Variants in ENSA observed in about 807,000 individuals in gnomAD.
ENSA encodes the protein alpha-endosulfine.
ENSA carries 7 observed loss-of-function variants against 16.8 expected under a neutral mutation model. That is an observed-to-expected ratio of 0.42 (90% CI 0.24 to 0.78). The LOEUF is 0.78. Ranked by LOEUF, ENSA falls within the 30% of genes least tolerant of loss-of-function variation. The pLI, the probability that ENSA is intolerant of heterozygous loss-of-function variation, is 0.29. For missense variants in ENSA, 87 were observed against 142.3 expected (o/e 0.61, Z 1.98); for synonymous variants, 58 against 53.4 (o/e 1.09, Z -0.37).
intron 2 of ENSA, 153 bp downstream of exon 2, chr1:150,627,314 T>C (rs1649404099): frequency 6.3e-7 from 1 of 1,596,138 alleles, no homozygotes; most frequent in Non-Finnish European, 8.5e-7. Flanking sequence ...GGATTTACAT[T>C]AATTTGACTT....
chr1:150,621,948 AC>A (rs1282022818), downstream of ENSA: 1 of 152,140 alleles, frequency 6.6e-6, no homozygotes, highest in Non-Finnish European at 1.5e-5. Flanking sequence ...AGGTTGATGC[AC>A]CTTCTACATT....
chr1:150,627,540 A>G lies in ENSA; in HGVS notation c.110T>C (p.Leu37Pro). The change falls in exon 2 of 4, where the codon CTA becomes CCA. Residue 37 changes from leucine to proline, a missense_variant. Physicochemically the swap from Leu to Pro is moderately conservative, Grantham distance 98. Coordinates refer to ENST00000369014, the MANE Select transcript of ENSA (RefSeq NM_004436.4). Reference sequence around the variant, plus strand: ...TCCTAGGCTTGGGTATTTGGCCTTTAGCTTTGCCTCTTCAGCTCTCTCAGG... The same window carrying G: ...TCCTAGGCTTGGGTATTTGGCCTTTGGCTTTGCCTCTTCAGCTCTCTCAGG... ...ILPERAEEAK[L>P]KAKYPSLGQK... 1 of 1,614,068 alleles carries G rather than the reference A, an allele frequency of 6.2e-7. No individual in the cohort carries two copies. Among genetic ancestry groups the G allele is most frequent in the South Asian group, 1.1e-5 (1 of 91,076 alleles).
chr1:150,625,354 C>T (rs1649226010), intron 3 of ENSA: 1 of 1,102,044 alleles, frequency 9.1e-7, no homozygotes, highest in Admixed American at 5.1e-5. Context: ...CACATCTCTC[C>T]AGTTTCTCAC....
At chr1:150,625,239 C>T in intron 3 of ENSA, 1 of 990,900 alleles carries the variant, frequency 1.0e-6, no homozygotes, top group Non-Finnish European at 1.2e-6. Context: ...ATTCAATCTA[C>T]CTTTCCCAAC....
rs914838780 is a variant in ENSA at position 150,625,687 on chromosome 1, T to A, written c.305A>T (p.Asp102Val). 5.0e-6 allele frequency: 8 copies of A among 1,612,494 alleles called. No homozygotes were observed. Among genetic ancestry groups the A allele is most frequent in the Non-Finnish European group, 5.9e-6 (7 of 1,179,374 alleles). The change falls in exon 3 of 4, where the codon GAT (aspartate) becomes GTT (valine). Residue 102 changes from aspartate (D) to valine (V), a missense_variant. By Grantham distance (152) the Asp-to-Val change is radical. Transcript: ENST00000369014. Reference protein sequence around the residue: ...VTGDHIPTPQDLPQRKSSLVT... With the variant: ...VTGDHIPTPQVLPQRKSSLVT... ...GAGCGAGGACTTTCTCTGGGGCAGA[T>A]CCTGTGGGGTGGGGATGTGATCACC...
intron 2 of ENSA, chr1:150,626,388 C>T (rs1389292410): frequency 1.5e-6 from 2 of 1,325,026 alleles, no homozygotes; most frequent in African/African-American, 2.9e-5. Context: ...GCCTGCCTTG[C>T]CTCCAGCAAG....
At position 150,622,356 on chromosome 1, in the gene ENSA, G is replaced by A. The variant is rs992020483; in HGVS notation, c.*488C>T. On this transcript the variant is annotated 3_prime_UTR_variant, in exon 4 of 4. Transcript: ENST00000369014. ...CTGTTTGCATCTGTCTGTGCGGATG[G>A]AGTTTCTTTTATCTGACACCAGGTC... 1 of 156,332 alleles carries A rather than the reference G, an allele frequency of 6.4e-6. No individual in the cohort carries two copies. The highest frequency in any genetic ancestry group is 1.9e-4 in the East Asian group (1 of 5,374). 9.7% of individuals were successfully genotyped at this position (156,332 alleles called of 1,614,324 possible). A position where few individuals can be genotyped will look rare whatever the true frequency, so the allele number is the denominator to read the frequency against.
At chr1:150,623,923 G>A (rs1426649667) in intron 3 of ENSA, 1 of 985,266 alleles carries the variant, frequency 1.0e-6, no homozygotes, top group East Asian at 1.1e-4. Context: ...TCAGGAGAAA[G>A]GCATATACAC....
At chr1:150,624,982 A>G in intron 3 of ENSA, 28 of 985,462 alleles carry the variant, frequency 2.8e-5, no homozygotes, top group Non-Finnish European at 3.3e-5. Flanking sequence ...TACTTTCAAA[A>G]GCAACATGCT....
rs184222578 is a variant in ENSA at position 150,628,728 on chromosome 1, C to G, written c.57+686G>C. 9.1e-3 allele frequency among the ~76,000 whole-genome samples: 1,378 copies of G among 152,254 alleles called. 24 individuals are homozygous for G. Among genetic ancestry groups the G allele is most frequent in the African/African-American group, 0.03 (1,266 of 41,548 alleles). On this transcript the variant is annotated intron_variant, in intron 1 of 3. Coordinates refer to ENST00000369014, the MANE Select transcript of ENSA (RefSeq NM_004436.4). ...CGTTAGTGTTTCCATCACGGAATCGCAGGTGCACTAAGTCCCTGCCTTGGA... is the reference window on the plus strand; with the variant it reads ...CGTTAGTGTTTCCATCACGGAATCGGAGGTGCACTAAGTCCCTGCCTTGGA...
chr1:150,624,465 C>G (rs1466749121), intron 3 of ENSA: 1 of 985,812 alleles, frequency 1.0e-6, no homozygotes, highest in Non-Finnish European at 1.2e-6. Context: ...CATGTTTCCT[C>G]AGGCCTGCAG....
Position 150,627,615 on chromosome 1 carries a change from ATAAAAT to A in ENSA, c.58-29_58-24del, listed in dbSNP as rs776664904. ...GTCCTGGAGAAAACAAATGAGCCAA[ATAAAAT>A]TAAAGACTGAGAAACAACAGCTTCT... On this transcript the variant is annotated intron_variant, in intron 1 of 3. Coordinates refer to ENST00000369014, the MANE Select transcript of ENSA (RefSeq NM_004436.4). 7.5e-6 allele frequency: 12 copies of A among 1,590,796 alleles called. No homozygotes were observed. In the South Asian group the frequency reaches 1.1e-4, roughly 15 times the overall value.
intron 2 of ENSA, chr1:150,626,546 G>C (rs982586089): frequency 1.9e-6 from 3 of 1,609,470 alleles, no homozygotes; most frequent in Non-Finnish European, 2.5e-6. Flanking sequence ...TTGCAGAGGA[G>C]AGTAAGGAAA....
Position 150,627,452 on chromosome 1 carries a change from G to A in ENSA, c.183+15C>T, listed in dbSNP as rs929956795. On this transcript the variant is annotated intron_variant, in intron 2 of 3. Coordinates refer to ENST00000369014, the MANE Select transcript of ENSA (RefSeq NM_004436.4). ...TTAGCTCCAAAGAAAGAGGGTAAGA[G>A]ACTATGCCCCATACCCCTTTCTGGA... The A allele has an allele frequency of 6.2e-7, 1 of 1,614,260 alleles. No homozygotes were observed. The highest frequency in any genetic ancestry group is 1.1e-5 in the South Asian group (1 of 91,088).
rs587772367 is a variant in ENSA, at chr1:150,623,367, T to C, written c.351-508A>G. On this transcript the variant is annotated intron_variant, in intron 3 of 3. Coordinates refer to ENST00000369014, the MANE Select transcript of ENSA (RefSeq NM_004436.4). ...TGACCACTCCTTGCTAAGGAAGCTATGTACTTCATGCTGTGGAAACTGGCA... is the reference window on the plus strand; with the variant it reads ...TGACCACTCCTTGCTAAGGAAGCTACGTACTTCATGCTGTGGAAACTGGCA... The C allele has an allele frequency of 5.1e-6, 5 of 986,162 alleles. No individual in the cohort carries two copies. The African/African-American group carries it at 5.2e-5, about 10-fold the overall frequency. 61.1% of individuals were successfully genotyped at this position (986,162 alleles called of 1,614,324 possible). A position where few individuals can be genotyped will look rare whatever the true frequency, so the allele number is the denominator to read the frequency against.
chr1:150,629,048 C>A, intron 1 of ENSA: 1 of 1,614,090 alleles, frequency 6.2e-7, no homozygotes, highest in Non-Finnish European at 8.5e-7. Flanking sequence ...AGCCCGGTTG[C>A]TGGGTCACTT....
chr1:150,629,122 G>A (rs1217793869), intron 1 of ENSA: 1 of 1,613,970 alleles, frequency 6.2e-7, no homozygotes, highest in Non-Finnish European at 8.5e-7. Flanking sequence ...TCCATTCACC[G>A]TCTTTCCAAC....
At chr1:150,623,092 C>T (rs1221328407) in intron 3 of ENSA, among the ~76,000 whole-genome samples, 2 of 152,096 alleles carry the variant, frequency 1.3e-5, no homozygotes, top group East Asian at 3.8e-4. Flanking sequence ...CTGGGATATC[C>T]ATGGATAACA....
At chr1:150,629,127 T>C in intron 1 of ENSA, 1 of 1,614,016 alleles carries the variant, frequency 6.2e-7, no homozygotes, top group Middle Eastern at 1.7e-4. Flanking sequence ...TCACCGTCTT[T>C]CCAACCACCC....
Sources: allele counts gnomAD v4.1 joint callset (sites outside exome capture counted in the v4.1 genomes callset), GRCh38; gene constraint gnomAD v4.1.1; transcripts MANE v1.5; gene names NCBI Gene and HGNC (gene_info 2026-07-23, HGNC 2026-07-21).